GALNT17: variants seen among roughly 807,000 people sequenced by gnomAD.
GALNT17 encodes the protein UDP-GalNAc:polypeptide N-acetylgalactosaminyltransferase-like 3.
In GALNT17, 29 loss-of-function variants were observed where a neutral mutation model predicts 63.7. The observed-to-expected ratio is 0.46, with a 90% CI of 0.34 to 0.62. The LOEUF is 0.62. Ranked by LOEUF, GALNT17 falls within the 20% of genes least tolerant of loss-of-function variation. The probability of loss-of-function intolerance (pLI) is 0.01; values close to 1 mark genes in which losing one functional copy is unlikely to be tolerated. For missense variants in GALNT17, 603 were observed against 799.6 expected, an observed-to-expected ratio of 0.75 and a Z score of 2.97; for synonymous variants, 305 against 318.3, an observed-to-expected ratio of 0.96 and a Z score of 0.45.
intron 1 of GALNT17, among the ~76,000 whole-genome samples, chr7:71,240,671 T>TC (rs1362714961): frequency 5.4e-5 from 8 of 147,226 alleles, no homozygotes; most frequent in East Asian, 2.1e-4. Context: ...TTTTTTCTTT[T>TC]TTTCCTTTTT....
At chr7:71,532,267 G>A (rs1209926456) in intron 5 of GALNT17, among the ~76,000 whole-genome samples, 11 of 152,136 alleles carry the variant, frequency 7.2e-5, no homozygotes, top group Admixed American at 7.2e-4. Flanking sequence ...AATCTAATCA[G>A]AAGCTAATCA....
intron 1 of GALNT17, among the ~76,000 whole-genome samples, chr7:71,296,576 G>A (rs1010659877): frequency 2.0e-5 from 3 of 151,122 alleles, no homozygotes; most frequent in Non-Finnish European, 4.4e-5. Context: ...AGATCATTCC[G>A]CTGCACTCCA....
chr7:71,692,649 T>C (rs747972084), intron 9 of GALNT17, among the ~76,000 whole-genome samples: 1 of 152,132 alleles, frequency 6.6e-6, no homozygotes, highest in Non-Finnish European at 1.5e-5. Flanking sequence ...CACATACACA[T>C]ACACATAAAA....
chr7:71,297,490 G>C (rs1791103336), intron 1 of GALNT17, among the ~76,000 whole-genome samples: 1 of 152,104 alleles, frequency 6.6e-6, no homozygotes, highest in East Asian at 1.9e-4. Context: ...GTTGCAGTGA[G>C]TGGTGGTGCA....
intron 6 of GALNT17, among the ~76,000 whole-genome samples, chr7:71,653,937 A>G (rs1252150126): frequency 3.3e-5 from 5 of 152,304 alleles, no homozygotes; most frequent in South Asian, 4.1e-4. Flanking sequence ...CTGAGAGTCT[A>G]CCTGCCAGCA....
At chr7:71,692,776 G>T (rs1791475524) in intron 9 of GALNT17, among the ~76,000 whole-genome samples, 1 of 147,748 alleles carries the variant, frequency 6.8e-6, no homozygotes. Context: ...TCTCACTCTG[G>T]CACCCAGGCT....
At chr7:71,386,426 G>A (rs751520298) in intron 2 of GALNT17, among the ~76,000 whole-genome samples, 1 of 152,120 alleles carries the variant, frequency 6.6e-6, no homozygotes, top group Non-Finnish European at 1.5e-5. Flanking sequence ...GAAGAAGGAT[G>A]CATTAAAGTG....
intron 1 of GALNT17, among the ~76,000 whole-genome samples, chr7:71,307,024 A>G (rs964841283): frequency 6.6e-6 from 1 of 151,932 alleles, no homozygotes; most frequent in East Asian, 1.9e-4. Context: ...GGGTTTCACT[A>G]TGTTGGGCAG....
intron 6 of GALNT17, among the ~76,000 whole-genome samples, chr7:71,611,939 C>T (rs1790131300): frequency 6.6e-6 from 1 of 151,984 alleles, no homozygotes; most frequent in Admixed American, 6.6e-5. Context: ...ATGAGAAGCA[C>T]AGGAGATGAG....
rs1047219403 is a variant in GALNT17 at position 71,544,509 on chromosome 7, G to A, written c.963-26776G>A. 7.1e-4 allele frequency among the ~76,000 whole-genome samples: 108 copies of A among 152,178 alleles called. 1 individual carries two copies. The highest frequency in any genetic ancestry group is 2.9e-3 in the Admixed American group (44 of 15,264). ...TAATAGGGGTTAGTTCTGAGAACTGGCTGCAGCTAGCAATCTATTCTTTTG... is the reference window on the plus strand; with the variant it reads ...TAATAGGGGTTAGTTCTGAGAACTGACTGCAGCTAGCAATCTATTCTTTTG... On this transcript the variant is annotated intron_variant, in intron 5 of 10. Coordinates refer to ENST00000333538, the MANE Select transcript of GALNT17 (RefSeq NM_022479.3).
At chr7:71,694,690 C>A (rs1016594306) in intron 9 of GALNT17, among the ~76,000 whole-genome samples, 9 of 152,204 alleles carry the variant, frequency 5.9e-5, no homozygotes, top group Non-Finnish European at 1.2e-4. Flanking sequence ...GCCACGGTGC[C>A]CAGCCATTAT....
At chr7:71,504,559 TTTAC>T (rs1251089019) in intron 5 of GALNT17, among the ~76,000 whole-genome samples, 1 of 151,950 alleles carries the variant, frequency 6.6e-6, no homozygotes, top group Non-Finnish European at 1.5e-5. Context: ...TTTTAATTAG[TTTAC>T]TTATTTACAT....
At chr7:71,697,032 T>A (rs1584144900) in intron 9 of GALNT17, among the ~76,000 whole-genome samples, 1 of 152,228 alleles carries the variant, frequency 6.6e-6, no homozygotes, top group East Asian at 1.9e-4. Flanking sequence ...GGAGAGAATA[T>A]CCTGCACATA....
intron 10 of GALNT17, 80 bp from the exon 11 acceptor site, chr7:71,711,938 C>G: frequency 6.7e-7 from 1 of 1,490,470 alleles, no homozygotes; most frequent in Non-Finnish European, 9.2e-7. Flanking sequence ...TCCTGTCTCT[C>G]TTTCTCCTCT....
chr7:71,455,034 G>A (rs1255508824), intron 5 of GALNT17, among the ~76,000 whole-genome samples: 2 of 151,954 alleles, frequency 1.3e-5, no homozygotes, highest in Non-Finnish European at 2.9e-5. Context: ...CAGGTGTGGT[G>A]GTATGCATCT....
At chr7:71,394,424 G>C (rs1441944332) in intron 3 of GALNT17, among the ~76,000 whole-genome samples, 1 of 152,064 alleles carries the variant, frequency 6.6e-6, no homozygotes, top group African/African-American at 2.4e-5. Context: ...ATATCACTCG[G>C]CCCCCTCCCT....
At chr7:71,321,922 C>CCTTCCTTCCCTCCCCTCCCTCCCT (rs1563001220) in intron 1 of GALNT17, among the ~76,000 whole-genome samples, 1 of 28,434 alleles carries the variant, frequency 3.5e-5, no homozygotes, top group Non-Finnish European at 6.7e-5. Context: ...TTCCTTCCTT[C>CCTTCCTTCCCTCCCCTCCCTCCCT]CCCTCCCTCC....
intron 3 of GALNT17, among the ~76,000 whole-genome samples, chr7:71,399,867 A>G (rs916019320): frequency 5.9e-5 from 9 of 152,152 alleles, no homozygotes; most frequent in Admixed American, 5.2e-4. Context: ...TTAAAAAAAT[A>G]GTATTGATGA....
At chr7:71,655,994 C>T (rs982519690) in intron 6 of GALNT17, among the ~76,000 whole-genome samples, 1 of 152,120 alleles carries the variant, frequency 6.6e-6, no homozygotes, top group Non-Finnish European at 1.5e-5. Context: ...CTTTTCCCAC[C>T]TCCTAGGCCC....
Sources: gnomAD v4.1 joint callset for allele counts (sites outside exome capture counted in the v4.1 genomes callset) on GRCh38, gnomAD v4.1.1 for gene constraint, MANE v1.5 for transcripts, NCBI Gene and HGNC (gene_info 2026-07-23, HGNC 2026-07-21) for gene names.